The following CSMD3 variants were observed in gnomAD, a reference collection of about 807,000 sequenced individuals.
The protein encoded by CSMD3 is CUB and sushi domain-containing protein 3.
Under a neutral mutation model 435.2 loss-of-function variants are expected in CSMD3, and 177 were observed. The ratio of observed to expected loss-of-function variants is 0.41; its 90% CI spans 0.36 to 0.46. The LOEUF is 0.46. Ranked by LOEUF, CSMD3 falls within the 20% of genes least tolerant of loss-of-function variation. The pLI is 0.34. For synonymous variants in CSMD3, 1,656 were observed against 1,520.5 expected (o/e 1.09, Z -2.07); for missense variants, 4,265 against 4,504.6 (o/e 0.95, Z 1.52).
intron 23 of CSMD3, among the ~76,000 whole-genome samples, chr8:112,575,769 A>C (rs1319489195): frequency 2.0e-5 from 3 of 152,140 alleles, no homozygotes; most frequent in Admixed American, 1.3e-4. Context: ...GAGGTAAGAA[A>C]ACCTTGCTTG....
At chr8:113,255,376 T>C (rs1185341106) in intron 3 of CSMD3, among the ~76,000 whole-genome samples, 1 of 152,124 alleles carries the variant, frequency 6.6e-6, no homozygotes, top group East Asian at 1.9e-4. Context: ...AAACTTTTGC[T>C]GTACTGAAAA....
At chr8:113,347,911 G>A (rs1289959377) in intron 1 of CSMD3, among the ~76,000 whole-genome samples, 6 of 152,082 alleles carry the variant, frequency 3.9e-5, no homozygotes, top group South Asian at 2.1e-4. Flanking sequence ...TGGCAAAGGC[G>A]AGATAATTAT....
chr8:112,335,600 G>A, intron 44 of CSMD3, 126 bp from the exon 45 acceptor site: 1 of 818,306 alleles, frequency 1.2e-6, no homozygotes, highest in Admixed American at 2.0e-5. Flanking sequence ...GATGCAGGAA[G>A]CTAACCAATG....
At chr8:113,309,026 GC>G (rs2093846300) in intron 2 of CSMD3, among the ~76,000 whole-genome samples, 1 of 151,970 alleles carries the variant, frequency 6.6e-6, no homozygotes, top group Non-Finnish European at 1.5e-5. Flanking sequence ...TCTGCTCACT[GC>G]AACCTCCGCT....
intron 14 of CSMD3, among the ~76,000 whole-genome samples, chr8:112,686,661 T>G (rs929310956): frequency 6.6e-6 from 1 of 151,900 alleles, no homozygotes; most frequent in Non-Finnish European, 1.5e-5. Flanking sequence ...AATTTTTGTA[T>G]TTTTAGTAGA....
intron 31 of CSMD3, among the ~76,000 whole-genome samples, chr8:112,474,301 G>C (rs1818827838): frequency 1.3e-5 from 2 of 152,138 alleles, no homozygotes; most frequent in South Asian, 4.1e-4. Context: ...AACTAGAGTG[G>C]GGAGGGGGCA....
In CSMD3 at chr8:112,993,157, A is replaced by G. The variant is rs576667888; in HGVS notation, c.1031-17009T>C. Among the ~76,000 whole-genome samples, 5 of 151,924 alleles carry G rather than the reference A, an allele frequency of 3.3e-5. No individual in the cohort carries two copies. In the South Asian group the frequency reaches 1.0e-3, roughly 31 times the overall value. On this transcript the variant is annotated intron_variant, in intron 6 of 70. Coordinates refer to ENST00000297405, the MANE Select transcript of CSMD3 (RefSeq NM_198123.2). ...ATTTAAAAAAATATCCAAATGGCTA[A>G]TTGAAACCAATGTTCCAAATAAATA...
intron 13 of CSMD3, among the ~76,000 whole-genome samples, chr8:112,732,363 A>T (rs2432741): frequency 0.018 from 2,683 of 152,248 alleles, 38 homozygotes; most frequent in Non-Finnish European, 0.027. Flanking sequence ...AGTGTTCACT[A>T]ACTGATAGTG....
intron 7 of CSMD3, among the ~76,000 whole-genome samples, chr8:112,969,939 T>C (rs1002245729): frequency 1.3e-5 from 2 of 152,048 alleles, no homozygotes; most frequent in African/African-American, 4.8e-5. Flanking sequence ...TTATAATCTG[T>C]TATTTCAAGT....
rs377398316 is a variant in CSMD3 at position 112,436,671 on chromosome 8, C to T, written c.5396-27639G>A. On this transcript the variant is annotated intron_variant, in intron 32 of 70. Coordinates refer to ENST00000297405, the MANE Select transcript of CSMD3 (RefSeq NM_198123.2). ...ACACAAATACATATACAAAGATATG[C>T]ATATACAACAACTGTGTATACATAT... Among the ~76,000 whole-genome samples the T allele has an allele frequency of 1.2e-4, 18 of 151,926 alleles. No homozygotes were observed. The East Asian group carries it at 1.5e-3, about 13-fold the overall frequency.
intron 3 of CSMD3, among the ~76,000 whole-genome samples, chr8:113,189,293 T>C (rs1361984537): frequency 6.6e-6 from 1 of 151,244 alleles, no homozygotes; most frequent in Non-Finnish European, 1.5e-5. Context: ...GACAATTATC[T>C]CTCTGTTTGA....
chr8:112,845,292 A>G lies in CSMD3; in HGVS notation c.1755+13853T>C, dbSNP rs1336342809. The stretch of plus-strand genomic sequence containing the variant: ...GGGTTAAACTAAGGAAAATAAGTGC[A>G]CAAACATGTAAGTACAATGTAATGT... On this transcript the variant is annotated intron_variant, in intron 11 of 70. Transcript: ENST00000297405. Among the ~76,000 whole-genome samples, 5 of 152,160 alleles carry G rather than the reference A, an allele frequency of 3.3e-5. No homozygotes were observed. In the East Asian group the frequency reaches 5.8e-4, roughly 18 times the overall value.
chr8:113,164,717 G>A (rs1014878250), intron 4 of CSMD3, among the ~76,000 whole-genome samples: 1 of 151,860 alleles, frequency 6.6e-6, no homozygotes, highest in Non-Finnish European at 1.5e-5. Context: ...GTTCAACCAC[G>A]TATATCTTTT....
At chr8:113,187,800 TTC>T (rs1366786736) in intron 3 of CSMD3, among the ~76,000 whole-genome samples, 1 of 151,942 alleles carries the variant, frequency 6.6e-6, no homozygotes, top group Non-Finnish European at 1.5e-5. Context: ...TACACAATTC[TTC>T]TGTGTCCATA....
intron 27 of CSMD3, among the ~76,000 whole-genome samples, chr8:112,532,055 A>G (rs896856580): frequency 5.3e-5 from 8 of 151,848 alleles, no homozygotes; most frequent in Non-Finnish European, 7.4e-5. Context: ...ACAGAAACCT[A>G]GAGATGAAAA....
At chr8:112,584,998 A>C in intron 23 of CSMD3, among the ~76,000 whole-genome samples, 1 of 151,336 alleles carries the variant, frequency 6.6e-6, no homozygotes, top group Non-Finnish European at 1.5e-5. Context: ...ATATAACTAA[A>C]TGTTTCCATG....
chr8:113,005,756 T>G (rs1486461019), intron 6 of CSMD3, among the ~76,000 whole-genome samples: 1 of 152,096 alleles, frequency 6.6e-6, no homozygotes, highest in East Asian at 1.9e-4. Flanking sequence ...GTGCCTCTCT[T>G]AATTTCTCTT....
Position 112,656,314 on chromosome 8 carries a change from A to G in CSMD3, c.2844T>C (p.Val948=), listed in dbSNP as rs1457234257. The G allele has an allele frequency of 2.5e-6, 4 of 1,613,464 alleles. No homozygotes were observed. In the South Asian group the frequency reaches 4.4e-5, roughly 18 times the overall value. ...GATTTGGCCCATCATGAACTTCCAGAACATCATAATTCAGTTCAGTCTGAA... is the reference window on the plus strand; with the variant it reads ...GATTTGGCCCATCATGAACTTCCAGGACATCATAATTCAGTTCAGTCTGAA... ...ERFQTELNYD[V]LEVHDGPNLL... The change falls in exon 18 of 71, where the codon GTT becomes GTC. Residue 948 remains valine, a synonymous_variant. Coordinates refer to ENST00000297405, the MANE Select transcript of CSMD3 (RefSeq NM_198123.2).
chr8:112,582,512 G>A (rs1261986140), intron 23 of CSMD3, among the ~76,000 whole-genome samples: 1 of 151,934 alleles, frequency 6.6e-6, no homozygotes, highest in Non-Finnish European at 1.5e-5. Flanking sequence ...AGAGTGGCAG[G>A]AGAAAATGTC....
Sources: gnomAD v4.1 joint callset for allele counts (sites outside exome capture counted in the v4.1 genomes callset) on GRCh38, gnomAD v4.1.1 for gene constraint, MANE v1.5 for transcripts, NCBI Gene and HGNC (gene_info 2026-07-23, HGNC 2026-07-21) for gene names.